Variants in PXDN observed in about 807,000 individuals in gnomAD.
PXDN encodes the protein peroxidasin.
In PXDN, 77 loss-of-function variants were observed where a neutral mutation model predicts 140.3. The observed-to-expected ratio is 0.55, with a 90% CI of 0.46 to 0.66. The LOEUF (loss-of-function observed/expected upper bound fraction) is 0.66, where lower values mean the gene tolerates loss of function less well. Among genes scored for constraint, PXDN ranks in the 30% least tolerant of loss-of-function variants. PXDN has a pLI of 0.00. For missense variants in PXDN, 1,838 were observed against 2,039.5 expected (o/e 0.90, Z 1.90); for synonymous variants, 911 against 857.4 (o/e 1.06, Z -1.09).
At chr2:1,641,212 C>T (rs1193414917) in intron 19 of PXDN, among the ~76,000 whole-genome samples, 5 of 152,188 alleles carry the variant, frequency 3.3e-5, no homozygotes, top group Non-Finnish European at 7.3e-5. Context: ...GGTACAATGG[C>T]ACGATCTCAG....
chr2:1,681,744 C>G (rs1028175032), intron 6 of PXDN, among the ~76,000 whole-genome samples: 5 of 152,218 alleles, frequency 3.3e-5, no homozygotes. Context: ...GGGCACCCAA[C>G]CTGTGCCCAC....
chr2:1,680,507 G>T, intron 6 of PXDN, 145 bp from the exon 7 acceptor site: 1 of 1,013,774 alleles, frequency 9.9e-7, no homozygotes, highest in Non-Finnish European at 1.5e-6. Context: ...ACGTCTCGTG[G>T]TGGAATCTGA....
intron 14 of PXDN, 149 bp from the exon 15 acceptor site, chr2:1,654,657 C>A (rs1219632792): frequency 9.9e-6 from 6 of 606,838 alleles, no homozygotes; most frequent in Non-Finnish European, 1.7e-5. Flanking sequence ...ATTATTTTAT[C>A]ACAAATTCTA....
chr2:1,677,381 C>T (rs146600769), intron 7 of PXDN, among the ~76,000 whole-genome samples: 3 of 152,208 alleles, frequency 2.0e-5, no homozygotes, highest in African/African-American at 4.8e-5. Flanking sequence ...GGATACGCCA[C>T]GGGTCGCTAT....
intron 6 of PXDN, among the ~76,000 whole-genome samples, chr2:1,681,989 G>C (rs889625705): frequency 6.6e-6 from 1 of 152,232 alleles, no homozygotes; most frequent in Non-Finnish European, 1.5e-5. Context: ...TGTGAGGTTA[G>C]AGACTGCTCC....
At chr2:1,724,487 T>C (rs1190511863) in intron 1 of PXDN, among the ~76,000 whole-genome samples, 1 of 152,178 alleles carries the variant, frequency 6.6e-6, no homozygotes, top group Non-Finnish European at 1.5e-5. Flanking sequence ...TGTTTATCTA[T>C]GCTGCAGTTT....
In PXDN at chr2:1,634,160, TCACGATGG is replaced by T. The variant is rs1219783733; in HGVS notation, c.*36_*43del. 1.0e-5 allele frequency: 16 copies of T among 1,548,298 alleles called. No individual in the cohort carries two copies. Among genetic ancestry groups the T allele is most frequent in the African/African-American group, 2.7e-5 (2 of 73,064 alleles). On this transcript the variant is annotated 3_prime_UTR_variant, in exon 23 of 23. Coordinates refer to ENST00000252804, the MANE Select transcript of PXDN (RefSeq NM_012293.3). ...GCTCCCTGCCATCGGCCACCCGATC[TCACGATGG>T]CACAGCAGACAAACTCTGAGGAGCC...
rs369934077 is a variant in PXDN, at chr2:1,649,694, C to T, written c.2105-19G>A. 1 of 1,612,838 alleles carries T rather than the reference C, an allele frequency of 6.2e-7. No homozygotes were observed. The highest frequency in any genetic ancestry group is 8.5e-7 in the Non-Finnish European group (1 of 1,179,190). On this transcript the variant is annotated intron_variant, in intron 16 of 22. Coordinates refer to ENST00000252804, the MANE Select transcript of PXDN (RefSeq NM_012293.3). The surrounding 1 kb of genome is among the most constrained non-coding windows in gnomAD (Gnocchi z 7.1). Reference sequence around the variant, plus strand: ...TGGTAACCTGGGACGTGGAGAAAAGCAAGACGCACTCAATTCCCCTGGAGG... The same window carrying T: ...TGGTAACCTGGGACGTGGAGAAAAGTAAGACGCACTCAATTCCCCTGGAGG...
At chr2:1,697,665 A>C (rs1684329405) in intron 1 of PXDN, among the ~76,000 whole-genome samples, 1 of 152,230 alleles carries the variant, frequency 6.6e-6, no homozygotes, top group South Asian at 2.1e-4. Flanking sequence ...CACTTCAACA[A>C]GCCTTCCTTG....
At chr2:1,696,464 C>G (rs955471088) in intron 1 of PXDN, among the ~76,000 whole-genome samples, 1 of 152,092 alleles carries the variant, frequency 6.6e-6, no homozygotes, top group Non-Finnish European at 1.5e-5. Flanking sequence ...AAAAAAGAAC[C>G]AAACTGAAAT....
intron 1 of PXDN, among the ~76,000 whole-genome samples, chr2:1,710,222 C>G (rs1010807540): frequency 6.6e-6 from 1 of 152,202 alleles, no homozygotes; most frequent in African/African-American, 2.4e-5. Flanking sequence ...CGCCGAAGAA[C>G]AGCTGCCGTC....
intron 7 of PXDN, 147 bp from the exon 8 acceptor site, chr2:1,677,191 C>T: frequency 1.4e-6 from 1 of 716,988 alleles, no homozygotes; most frequent in East Asian, 2.7e-5. Flanking sequence ...CACAAAAGTG[C>T]CAGACTGGCT....
At chr2:1,644,071 C>CA (rs74164529) in intron 18 of PXDN, among the ~76,000 whole-genome samples, 30,267 of 38,458 alleles carry the variant, frequency 0.79, 14,119 homozygotes, top group Middle Eastern at 0.94. Context: ...GACTCTGTCT[C>CA]AAAAAAAAAA....
At chr2:1,700,875 A>G (rs1187304323) in intron 1 of PXDN, among the ~76,000 whole-genome samples, 1 of 152,186 alleles carries the variant, frequency 6.6e-6, no homozygotes, top group East Asian at 1.9e-4. Context: ...ACTCTGTCTC[A>G]ACAACAACAA....
At chr2:1,691,340 C>T (rs1022687367) in intron 3 of PXDN, among the ~76,000 whole-genome samples, 1 of 152,164 alleles carries the variant, frequency 6.6e-6, no homozygotes. Flanking sequence ...ATTTTCTAAA[C>T]TGCAAAACTG....
At chr2:1,725,738 A>C (rs1462949917) in intron 1 of PXDN, among the ~76,000 whole-genome samples, 1 of 152,202 alleles carries the variant, frequency 6.6e-6, no homozygotes, top group Admixed American at 6.5e-5. Flanking sequence ...CAAGAAAAAA[A>C]CAAACAACCC....
At chr2:1,678,830 G>A (rs1026520598) in intron 7 of PXDN, among the ~76,000 whole-genome samples, 2 of 152,144 alleles carry the variant, frequency 1.3e-5, no homozygotes, top group East Asian at 1.9e-4. Flanking sequence ...GTCTGGGTCC[G>A]GGGTGGGGAA....
intron 9 of PXDN, among the ~76,000 whole-genome samples, chr2:1,668,732 A>C (rs1349347701): frequency 6.6e-6 from 1 of 152,252 alleles, no homozygotes; most frequent in Non-Finnish European, 1.5e-5. Context: ...AGAAATGGAA[A>C]TCAAAACCAC....
At chr2:1,728,997 T>C (rs1192939991) in intron 1 of PXDN, among the ~76,000 whole-genome samples, 2 of 151,326 alleles carry the variant, frequency 1.3e-5, no homozygotes, top group Non-Finnish European at 2.9e-5. Flanking sequence ...GGCAGGGCGC[T>C]GGGCTGGCTG....
Sources: gnomAD v4.1 joint callset for allele counts (sites outside exome capture counted in the v4.1 genomes callset) on GRCh38, gnomAD v4.1.1 for gene constraint, Gnocchi (gnomAD v3.1) non-coding constraint, MANE v1.5 for transcripts, NCBI Gene and HGNC (gene_info 2026-07-23, HGNC 2026-07-21) for gene names.